ALKBH1: variants seen among roughly 807,000 people sequenced by gnomAD.
The protein encoded by ALKBH1 is nucleic acid dioxygenase ALKBH1.
ALKBH1 carries 31 observed loss-of-function variants against 36.6 expected under a neutral mutation model. That is an observed-to-expected ratio of 0.85 (90% CI 0.64 to 1.14). The LOEUF is 1.14. ALKBH1 is among the 50% of genes most tolerant of loss of function. ALKBH1 has a pLI of 0.00. For synonymous variants in ALKBH1, 183 were observed against 186.6 expected, an observed-to-expected ratio of 0.98 and a Z score of 0.16; for missense variants, 490 against 497.3, an observed-to-expected ratio of 0.99 and a Z score of 0.14.
rs2080192832 is a variant in ALKBH1, at chr14:77,674,234, G to C, written c.748C>G (p.Gln250Glu). Reference sequence around the variant, plus strand: ...CCACCCAGGAGAAAGATGGCGGACTGTCCAAAGCTACAAAAAATAAGTAAA... The same window carrying C: ...CCACCCAGGAGAAAGATGGCGGACTCTCCAAAGCTACAAAAAATAAGTAAA... ...SKPLLSFSFG[Q>E]SAIFLLGGLQ... Residue 250 changes from glutamine to glutamate, a missense_variant, in exon 6 of 6, where the codon CAG becomes GAG. Transcript: ENST00000216489. 6.4e-7 allele frequency: 1 copy of C among 1,557,698 alleles called. No individual in the cohort carries two copies. Among genetic ancestry groups the C allele is most frequent in the South Asian group, 1.2e-5 (1 of 84,240 alleles).
At chr14:77,689,301 T>C (rs1290171199) in intron 3 of ALKBH1, among the ~76,000 whole-genome samples, 1 of 152,238 alleles carries the variant, frequency 6.6e-6, no homozygotes, top group Non-Finnish European at 1.5e-5. Flanking sequence ...ATACATGCTT[T>C]GGTATTGTAA....
At chr14:77,687,519 TAATTA>T (rs2080274522) in intron 3 of ALKBH1, among the ~76,000 whole-genome samples, 1 of 152,154 alleles carries the variant, frequency 6.6e-6, no homozygotes, top group Non-Finnish European at 1.5e-5. Context: ...CTTCCCTTTA[TAATTA>T]AACTTTTAAA....
intron 3 of ALKBH1, 61 bp downstream of exon 3, chr14:77,694,677 T>C: frequency 7.4e-7 from 1 of 1,354,296 alleles, no homozygotes; most frequent in Non-Finnish European, 9.7e-7. Context: ...AACAGTTCCT[T>C]CAAAGACCTG....
rs781726135 is a variant in ALKBH1 at position 77,704,403 on chromosome 14, G to C, written c.258C>G (p.Ser86Arg). 1.1e-5 allele frequency: 17 copies of C among 1,614,118 alleles called. No homozygotes were observed. The highest frequency in any genetic ancestry group is 1.4e-5 in the Non-Finnish European group (16 of 1,179,986). The stretch of plus-strand genomic sequence containing the variant: ...CTTTGAGTCCATAGGCTTGCCACTT[G>C]CTGACGGGCTGAAGACCTGCTCTAT... Reference protein sequence around the residue: ...NAYRAGLQPVSKWQAYGLKGY... With the variant: ...NAYRAGLQPVRKWQAYGLKGY... Residue 86 changes from serine to arginine, a missense_variant, in exon 2 of 6, where the codon AGC (serine) becomes AGG (arginine). Transcript: ENST00000216489.
At chr14:77,699,908 A>ATC (rs2080349803) in intron 2 of ALKBH1, among the ~76,000 whole-genome samples, 1 of 152,032 alleles carries the variant, frequency 6.6e-6, no homozygotes, top group Admixed American at 6.6e-5. Context: ...ACAAAAAATT[A>ATC]GCTGGGCGTG....
intron 4 of ALKBH1, among the ~76,000 whole-genome samples, chr14:77,678,050 T>TG (rs1478505853): frequency 8.7e-6 from 1 of 114,704 alleles, no homozygotes; most frequent in Non-Finnish European, 1.7e-5. Context: ...TTTGAGGTCT[T>TG]GGGGAATAAC....
intron 1 of ALKBH1, 76 bp from the exon 2 acceptor site, chr14:77,704,553 C>G (rs8021036): frequency 0.94 from 1,045,479 of 1,108,170 alleles, 494,468 homozygotes; most frequent in Non-Finnish European, 0.97. Context: ...AACCTCCAAA[C>G]ACATTTCTTG....
At chr14:77,688,218 T>C (rs1321540730) in intron 3 of ALKBH1, among the ~76,000 whole-genome samples, 2 of 151,408 alleles carry the variant, frequency 1.3e-5, no homozygotes, top group African/African-American at 4.9e-5. Flanking sequence ...GAGGCCTTTA[T>C]CATCTTTTGC....
Position 77,677,051 on chromosome 14 carries a change from T to C in ALKBH1, c.547-1202A>G, listed in dbSNP as rs576316557. Among the ~76,000 whole-genome samples, 266 of 152,234 alleles carry C rather than the reference T, an allele frequency of 1.7e-3. 2 individuals carry two copies. Among genetic ancestry groups the C allele is most frequent in the African/African-American group, 6.0e-3 (250 of 41,554 alleles). On this transcript the variant is annotated intron_variant, in intron 4 of 5. Transcript: ENST00000216489. ...TATCAAAGGCCATAATACTCTTTTT[T>C]TTTTTTGAGACTGAGTCTCGTTCTG...
At position 77,695,095 on chromosome 14, in the gene ALKBH1, G is replaced by A. The variant is rs116408798; in HGVS notation, c.293-195C>T. Among the ~76,000 whole-genome samples the A allele has an allele frequency of 4.9e-3, 750 of 152,230 alleles. 10 individuals carry two copies. The highest frequency in any genetic ancestry group is 0.017 in the African/African-American group (694 of 41,552). On this transcript the variant is annotated intron_variant, in intron 2 of 5. Transcript: ENST00000216489. ...CCTATGCAAATGTGTCTGGCTTTCT[G>A]GGTATTCTCAAGAGAAATAAATATT...
intron 3 of ALKBH1, 149 bp downstream of exon 3, chr14:77,694,589 T>C (rs2080316492): frequency 3.8e-6 from 2 of 526,048 alleles, no homozygotes; most frequent in East Asian, 3.1e-5. Flanking sequence ...GGGGAAAGAA[T>C]ACAATTGTGC....
chr14:77,699,012 A>G (rs2080344150), intron 2 of ALKBH1, among the ~76,000 whole-genome samples: 1 of 152,218 alleles, frequency 6.6e-6, no homozygotes, highest in African/African-American at 2.4e-5. Context: ...GCCTCAACTG[A>G]TCTGCCCGCC....
chr14:77,690,571 G>C (rs1595054080), intron 3 of ALKBH1, among the ~76,000 whole-genome samples: 2 of 152,202 alleles, frequency 1.3e-5, no homozygotes, highest in Admixed American at 6.5e-5. Flanking sequence ...TTAGACCAAG[G>C]CAGTTGTGAT....
At chr14:77,693,462 G>A (rs1407092659) in intron 3 of ALKBH1, among the ~76,000 whole-genome samples, 1 of 152,156 alleles carries the variant, frequency 6.6e-6, no homozygotes, top group Non-Finnish European at 1.5e-5. Flanking sequence ...CTAAAGCACA[G>A]TGTCTGACAC....
At chr14:77,701,208 A>G (rs1351895058) in intron 2 of ALKBH1, among the ~76,000 whole-genome samples, 1 of 152,232 alleles carries the variant, frequency 6.6e-6, no homozygotes, top group Non-Finnish European at 1.5e-5. Flanking sequence ...TGACACCTAG[A>G]GCAACCCCAA....
intron 3 of ALKBH1, among the ~76,000 whole-genome samples, chr14:77,680,677 C>CTCT (rs774703181): frequency 0.056 from 6,903 of 124,260 alleles, 363 homozygotes; most frequent in Middle Eastern, 0.089. Context: ...ATTAACTACT[C>CTCT]TTTTTTTTTT....
chr14:77,699,562 T>C (rs186414563), intron 2 of ALKBH1, among the ~76,000 whole-genome samples: 3 of 152,308 alleles, frequency 2.0e-5, no homozygotes, highest in African/African-American at 4.8e-5. Context: ...GTTTTGCAGA[T>C]AAGAGAACAG....
intron 2 of ALKBH1, among the ~76,000 whole-genome samples, chr14:77,703,812 C>T (rs548408496): frequency 6.6e-6 from 1 of 151,638 alleles, no homozygotes; most frequent in Non-Finnish European, 1.5e-5. Flanking sequence ...TGGCCAGGCT[C>T]GTCTTGACCT....
intron 2 of ALKBH1, among the ~76,000 whole-genome samples, 160 bp from the exon 3 acceptor site, chr14:77,695,060 G>C (rs2080319886): frequency 6.6e-6 from 1 of 152,066 alleles, no homozygotes; most frequent in Admixed American, 6.5e-5. Context: ...ATGAACATTA[G>C]ACATCTACCC....
Sources: allele counts gnomAD v4.1 joint callset (sites outside exome capture counted in the v4.1 genomes callset), GRCh38; gene constraint gnomAD v4.1.1; transcripts MANE v1.5; gene names NCBI Gene and HGNC (gene_info 2026-07-23, HGNC 2026-07-21).